BIRC6: variants seen among roughly 807,000 people sequenced by gnomAD.
BIRC6 encodes baculoviral IAP repeat containing 6, also known as dual E2 ubiquitin-conjugating enzyme/E3 ubiquitin-protein ligase BIRC6.
BIRC6 carries 98 observed loss-of-function variants against 503.3 expected under a neutral mutation model. The observed-to-expected ratio is 0.19, with a 90% CI of 0.17 to 0.23. The LOEUF is 0.23. Ranked by LOEUF, BIRC6 falls within the 10% of genes least tolerant of loss-of-function variation. The probability of loss-of-function intolerance (pLI) is 1.00; values close to 1 mark genes in which losing one functional copy is unlikely to be tolerated. For missense variants in BIRC6, 5,360 were observed against 5,806.0 expected (o/e 0.92, Z 2.50); for synonymous variants, 2,240 against 2,078.7 (o/e 1.08, Z -2.11).
At chr2:32,600,805 C>T (rs1245957978) in intron 70 of BIRC6, among the ~76,000 whole-genome samples, 2 of 152,138 alleles carry the variant, frequency 1.3e-5, no homozygotes, top group African/African-American at 4.8e-5. Context: ...AAAGTTTACA[C>T]ACTGTTAGCA....
intron 37 of BIRC6, among the ~76,000 whole-genome samples, 155 bp from the exon 38 acceptor site, chr2:32,481,165 G>A (rs539639188): frequency 6.6e-5 from 10 of 151,478 alleles, no homozygotes; most frequent in African/African-American, 1.9e-4. Context: ...TGTTTTTATC[G>A]TGTATTATGG....
At position 32,518,809 on chromosome 2, in the gene BIRC6, A is replaced by AT; in HGVS notation, c.11494-4dup. 6.2e-7 allele frequency: 1 copy of AT among 1,610,068 alleles called. No individual in the cohort carries two copies. The highest frequency in any genetic ancestry group is 1.1e-5 in the South Asian group (1 of 90,434). ...ACTTCCTGATTTCTTTGATTTCTTG[A>AT]TTTTCAGCTGTACAAAGGTAGAATT... On this transcript the variant is annotated splice_polypyrimidine_tract_variant and splice_region_variant and intron_variant, in intron 56 of 73. Transcript: ENST00000421745.
chr2:32,404,048 C>A (rs1024356244), intron 8 of BIRC6, among the ~76,000 whole-genome samples: 1 of 151,600 alleles, frequency 6.6e-6, no homozygotes, highest in African/African-American at 2.4e-5. Flanking sequence ...CTGCCTTAGC[C>A]TCCTTGAGTA....
intron 1 of BIRC6, among the ~76,000 whole-genome samples, chr2:32,364,887 C>T (rs2149149270): frequency 6.6e-6 from 1 of 151,894 alleles, no homozygotes; most frequent in East Asian, 1.9e-4. Context: ...CTAAAATGTG[C>T]AGTCTCCCAG....
rs1390326777 is a variant in BIRC6 at position 32,518,159 on chromosome 2, AACTTATTC to A, written c.11350-93_11350-86del. On this transcript the variant is annotated intron_variant, in intron 55 of 73. Transcript: ENST00000421745. ...GCTACTGATTTGATATGTTAAAATA[AACTTATTC>A]ATATTTTCTGTTTCCTTTTTATCTT... The A allele has an allele frequency of 8.3e-6, 10 of 1,205,490 alleles. No homozygotes were observed. In the African/African-American group the frequency reaches 1.4e-4, roughly 17 times the overall value. 74.7% of individuals were successfully genotyped at this position (1,205,490 alleles called of 1,614,324 possible).
At chr2:32,566,775 T>C (rs2059561890) in intron 65 of BIRC6, among the ~76,000 whole-genome samples, 1 of 152,228 alleles carries the variant, frequency 6.6e-6, no homozygotes, top group African/African-American at 2.4e-5. Context: ...TAAGTTTTTT[T>C]GTGTATTTTT....
At chr2:32,604,381 A>C (rs1213803702) in intron 71 of BIRC6, among the ~76,000 whole-genome samples, 5 of 152,202 alleles carry the variant, frequency 3.3e-5, no homozygotes, top group Non-Finnish European at 5.9e-5. Flanking sequence ...TGTAGTGTGC[A>C]TTAAAATGAC....
Position 32,406,551 on chromosome 2 carries a change from G to T in BIRC6, c.1471G>T (p.Val491Leu), listed in dbSNP as rs748019908. 1.2e-6 allele frequency: 2 copies of T among 1,606,396 alleles called. No individual in the cohort carries two copies. Among genetic ancestry groups the T allele is most frequent in the African/African-American group, 2.7e-5 (2 of 74,736 alleles). Residue 491 changes from valine (V) to leucine (L), a missense_variant, in exon 9 of 74, where the codon GTG (valine) becomes TTG (leucine). Val to Leu is a conservative substitution (Grantham distance 32). This residue lies in a region of BIRC6 where 700 missense variants were observed against 739.3 expected (regional missense o/e 0.95). Transcript: ENST00000421745. ...TGAAGAGCATTCCAGATCAGATTCT[G>T]TGACAGGTATGTAAAAAGTATTAGA... The part of the protein sequence containing the change: ...DSEEHSRSDS[V>L]TGHTSQKEAM...
chr2:32,471,888 C>T (rs982378945), intron 32 of BIRC6, among the ~76,000 whole-genome samples: 5 of 151,614 alleles, frequency 3.3e-5, no homozygotes, highest in South Asian at 2.1e-4. Context: ...TTAAGAGTTC[C>T]CTTGAGATGT....
chr2:32,378,476 G>A (rs1193035226), intron 2 of BIRC6, among the ~76,000 whole-genome samples: 4 of 143,978 alleles, frequency 2.8e-5, no homozygotes, highest in Non-Finnish European at 6.1e-5. Flanking sequence ...TTTTTTCTTT[G>A]AGTCAGAGTC....
intron 65 of BIRC6, among the ~76,000 whole-genome samples, chr2:32,568,132 T>C (rs758150876): frequency 1.4e-5 from 2 of 146,260 alleles, no homozygotes; most frequent in Non-Finnish European, 3.0e-5. Context: ...CAAACAAGAA[T>C]GGAGAAGGAG....
rs111713825 is a variant in BIRC6 at position 32,559,478 on chromosome 2, G to A, written c.13144+9997G>A. 9.5e-3 allele frequency among the ~76,000 whole-genome samples: 1,447 copies of A among 152,308 alleles called. 20 individuals carry two copies. The highest frequency in any genetic ancestry group is 0.017 in the Middle Eastern group (5 of 292). ...TGAAGACATCTAAGGGTTTTCTGAT[G>A]AAGCTCTTCATGGCAAAAATAGAAT... On this transcript the variant is annotated intron_variant, in intron 65 of 73. Transcript: ENST00000421745.
chr2:32,407,184 G>A (rs1308261779), intron 9 of BIRC6, among the ~76,000 whole-genome samples: 2 of 152,068 alleles, frequency 1.3e-5, no homozygotes, highest in African/African-American at 2.4e-5. Context: ...GGTGGCTTAC[G>A]TCGGTAATCC....
intron 44 of BIRC6, among the ~76,000 whole-genome samples, chr2:32,493,034 T>C (rs2051944516): frequency 2.0e-5 from 3 of 151,804 alleles, no homozygotes; most frequent in Admixed American, 2.0e-4. Context: ...TTTTTTTTTT[T>C]TGACTTGGTA....
intron 66 of BIRC6, among the ~76,000 whole-genome samples, chr2:32,577,477 T>C (rs908176415): frequency 2.6e-5 from 4 of 152,194 alleles, no homozygotes; most frequent in Non-Finnish European, 5.9e-5. Flanking sequence ...CACACATTTA[T>C]AGTGTTACAA....
chr2:32,491,842 G>T (rs564012177), intron 44 of BIRC6, among the ~76,000 whole-genome samples: 92 of 152,072 alleles, frequency 6.0e-4, no homozygotes, highest in African/African-American at 2.1e-3. Context: ...TACTGCAAAG[G>T]TAGAGAAGCA....
rs769609766 is a variant in BIRC6 at position 32,477,500 on chromosome 2, A to G, written c.6985A>G (p.Ile2329Val). The G allele has an allele frequency of 2.5e-5, 40 of 1,613,866 alleles. No homozygotes were observed. Among genetic ancestry groups the G allele is most frequent in the African/African-American group, 1.2e-4 (9 of 74,930 alleles). ...LPFTLAHERC[I>V]SVVQKLVLFL... is the part of the protein sequence containing the mutation. Reference sequence around the variant, plus strand: ...ATTTACTCTGGCCCATGAGCGTTGTATCTCAGTAGTCCAGAAACTTGTTCT... The same window carrying G: ...ATTTACTCTGGCCCATGAGCGTTGTGTCTCAGTAGTCCAGAAACTTGTTCT... Residue 2329 changes from isoleucine to valine, a missense_variant, in exon 35 of 74, where the codon ATC becomes GTC. Ile to Val is a conservative substitution (Grantham distance 29, BLOSUM62 3). Transcript: ENST00000421745.
At chr2:32,372,731 A>G (rs1373379060) in intron 1 of BIRC6, among the ~76,000 whole-genome samples, 1 of 152,072 alleles carries the variant, frequency 6.6e-6, no homozygotes, top group Admixed American at 6.6e-5. Context: ...TTGGGAGGCT[A>G]AGATGGGAGG....
chr2:32,603,334 G>T (rs572678413), intron 71 of BIRC6, among the ~76,000 whole-genome samples: 1 of 152,130 alleles, frequency 6.6e-6, no homozygotes, highest in South Asian at 2.1e-4. Flanking sequence ...AAAAATTCCA[G>T]GCCAGGCGCA....
Sources: gnomAD v4.1 joint callset for allele counts (sites outside exome capture counted in the v4.1 genomes callset) on GRCh38, gnomAD v4.1.1 for gene constraint, gnomAD v4.1.1 regional missense constraint, MANE v1.5 for transcripts, NCBI Gene and HGNC (gene_info 2026-07-23, HGNC 2026-07-21) for gene names.